The following TCF12 variants were observed in gnomAD, a reference collection of about 807,000 sequenced individuals.
TCF12 encodes the protein DNA-binding protein HTF4.
Under a neutral mutation model 86.0 loss-of-function variants are expected in TCF12, and 45 were observed. The observed-to-expected ratio is 0.52, with a 90% CI of 0.41 to 0.67. The LOEUF (loss-of-function observed/expected upper bound fraction) is 0.67. Ranked by LOEUF, TCF12 falls within the 30% of genes least tolerant of loss-of-function variation. The probability of loss-of-function intolerance (pLI) is 0.00; values close to 1 mark genes in which losing one functional copy is unlikely to be tolerated. For missense variants in TCF12, 881 were observed against 859.9 expected, an observed-to-expected ratio of 1.02 and a Z score of -0.31; for synonymous variants, 330 against 299.6, an observed-to-expected ratio of 1.10 and a Z score of -1.05.
At chr15:57,007,974 T>G (rs539248558) in intron 3 of TCF12, among the ~76,000 whole-genome samples, 1 of 149,088 alleles carries the variant, frequency 6.7e-6, no homozygotes, top group Non-Finnish European at 1.5e-5. Context: ...TCTCTCTCTC[T>G]CTCGCTCTCT....
At chr15:57,054,375 A>G (rs765243345) in intron 3 of TCF12, among the ~76,000 whole-genome samples, 11 of 152,270 alleles carry the variant, frequency 7.2e-5, no homozygotes, top group Non-Finnish European at 7.3e-5. Context: ...CCTAATGGGT[A>G]CCATAAAAAC....
intron 8 of TCF12, among the ~76,000 whole-genome samples, chr15:57,208,241 C>G (rs1442153771): frequency 6.6e-6 from 1 of 151,776 alleles, no homozygotes; most frequent in Non-Finnish European, 1.5e-5. Context: ...ACCATCTTGG[C>G]CAGGCTGGTC....
intron 15 of TCF12, 135 bp from the exon 16 acceptor site, chr15:57,253,127 G>T (rs1197266489): frequency 3.6e-6 from 3 of 825,790 alleles, no homozygotes; most frequent in African/African-American, 1.7e-5. Flanking sequence ...TATAGTTCAG[G>T]TGGTTGCTTT....
chr15:57,016,455 T>C (rs1256230942), intron 3 of TCF12, among the ~76,000 whole-genome samples: 1 of 152,166 alleles, frequency 6.6e-6, no homozygotes, highest in African/African-American at 2.4e-5. Flanking sequence ...TCCAAGACCC[T>C]AGAGGACCTA....
At chr15:57,070,979 C>T (rs2069325342) in intron 4 of TCF12, among the ~76,000 whole-genome samples, 1 of 152,150 alleles carries the variant, frequency 6.6e-6, no homozygotes, top group Non-Finnish European at 1.5e-5. Flanking sequence ...GGAGGTTGGA[C>T]TTACCCTGAT....
intron 8 of TCF12, among the ~76,000 whole-genome samples, chr15:57,213,797 T>G (rs1348856290): frequency 6.6e-6 from 1 of 152,228 alleles, no homozygotes; most frequent in Admixed American, 6.5e-5. Flanking sequence ...TTACAGATGA[T>G]TTTGAATGAT....
At chr15:57,252,927 C>CTTTTTTTTTTTTT (rs57946842) in intron 15 of TCF12, among the ~76,000 whole-genome samples, 1 of 89,774 alleles carries the variant, frequency 1.1e-5, no homozygotes, top group Non-Finnish European at 2.3e-5. Flanking sequence ...ATAGGTTGTA[C>CTTTTTTTTTTTTT]TTTTTTTTTT....
intron 16 of TCF12, among the ~76,000 whole-genome samples, chr15:57,261,629 A>G (rs2441922): frequency 0.024 from 3,660 of 152,210 alleles, 148 homozygotes; most frequent in African/African-American, 0.083. Flanking sequence ...AAGTTTTTTT[A>G]TGTAAGTTAA....
intron 5 of TCF12, among the ~76,000 whole-genome samples, chr15:57,143,906 C>T (rs1023433392): frequency 5.3e-5 from 8 of 152,086 alleles, no homozygotes; most frequent in Non-Finnish European, 1.2e-4. Flanking sequence ...CTTCTGTCTC[C>T]AGTAAGAGAG....
At chr15:56,994,850 A>G (rs11632526) in intron 3 of TCF12, among the ~76,000 whole-genome samples, 27,263 of 152,080 alleles carry the variant, frequency 0.18, 2,958 homozygotes, top group Non-Finnish European at 0.24. Flanking sequence ...TTTATATCAG[A>G]AGAAAACTTG....
At chr15:57,098,009 C>CAAAAAAAAAAAAAAAAAAAA (rs72046243) in intron 5 of TCF12, among the ~76,000 whole-genome samples, 1 of 48,410 alleles carries the variant, frequency 2.1e-5, no homozygotes, top group Non-Finnish European at 3.5e-5. Context: ...TACAAAAATA[C>CAAAAAAAAAAAAAAAAAAAA]AAAAAAAAAA....
At chr15:57,279,281 A>G (rs1344916146) in intron 19 of TCF12, among the ~76,000 whole-genome samples, 1 of 152,218 alleles carries the variant, frequency 6.6e-6, no homozygotes, top group Non-Finnish European at 1.5e-5. Flanking sequence ...AGTCATAATA[A>G]TGTAAGAAGT....
chr15:57,237,412 C>A (rs1266274977), intron 12 of TCF12, among the ~76,000 whole-genome samples: 1 of 152,108 alleles, frequency 6.6e-6, no homozygotes, highest in African/African-American at 2.4e-5. Flanking sequence ...GTCTAAAGCC[C>A]TTTTCATTAG....
chr15:57,247,231 GC>G, intron 13 of TCF12: 1 of 629,320 alleles, frequency 1.6e-6, no homozygotes, highest in Non-Finnish European at 2.9e-6. Flanking sequence ...CACCATAGTT[GC>G]CACCATCACC....
At chr15:57,062,801 T>G (rs532693579) in intron 3 of TCF12, among the ~76,000 whole-genome samples, 2 of 152,336 alleles carry the variant, frequency 1.3e-5, no homozygotes, top group Admixed American at 6.5e-5. Context: ...TAGGCTGTTC[T>G]CATGAAAGAA....
intron 19 of TCF12, among the ~76,000 whole-genome samples, chr15:57,275,147 C>T (rs1263718596): frequency 6.6e-6 from 1 of 152,130 alleles, no homozygotes; most frequent in Non-Finnish European, 1.5e-5. Context: ...TTCTGTAAAG[C>T]TCTGTCTAAG....
intron 8 of TCF12, chr15:57,218,898 A>C: frequency 3.3e-6 from 1 of 304,454 alleles, no homozygotes; most frequent in Non-Finnish European, 5.0e-6. Context: ...CTAGCTAGTT[A>C]AGAGGTATTT....
At chr15:57,233,329 C>T (rs2059245039) in intron 11 of TCF12, among the ~76,000 whole-genome samples, 2 of 151,876 alleles carry the variant, frequency 1.3e-5, no homozygotes, top group South Asian at 4.2e-4. Context: ...GCATGTACCA[C>T]CATACTCAGC....
intron 6 of TCF12, among the ~76,000 whole-genome samples, chr15:57,176,398 A>G (rs2055913837): frequency 6.6e-6 from 1 of 152,230 alleles, no homozygotes; most frequent in Non-Finnish European, 1.5e-5. Flanking sequence ...GTATAAGCAC[A>G]GACAGCAAAT....
Sources: allele counts gnomAD v4.1 joint callset (sites outside exome capture counted in the v4.1 genomes callset), GRCh38; gene constraint gnomAD v4.1.1; transcripts MANE v1.5; gene names NCBI Gene and HGNC (gene_info 2026-07-23, HGNC 2026-07-21).